PRKG1: variants seen among roughly 807,000 people sequenced by gnomAD.
The protein encoded by PRKG1 is protein kinase cGMP-dependent 1.
In PRKG1, 35 loss-of-function variants were observed where a neutral mutation model predicts 88.1. That is an observed-to-expected ratio of 0.40 (90% CI 0.30 to 0.53). The LOEUF is 0.53. Ranked by LOEUF, PRKG1 falls within the 20% of genes least tolerant of loss-of-function variation. The pLI, the probability that PRKG1 is intolerant of heterozygous loss-of-function variation, is 0.59. For missense variants in PRKG1, 540 were observed against 839.8 expected (o/e 0.64, Z 4.41); for synonymous variants, 303 against 292.5 (o/e 1.04, Z -0.37).
At chr10:52,224,836 T>TATATATATATATAC (rs1457134141) in intron 9 of PRKG1, among the ~76,000 whole-genome samples, 26 of 89,848 alleles carry the variant, frequency 2.9e-4, no homozygotes, top group Admixed American at 2.2e-3. Context: ...TATATATATA[T>TATATATATATATAC]ATACATACAT....
chr10:51,227,443 A>C (rs1838722765), intron 2 of PRKG1, among the ~76,000 whole-genome samples: 1 of 152,070 alleles, frequency 6.6e-6, no homozygotes, highest in African/African-American at 2.4e-5. Flanking sequence ...TCTCTTTTTG[A>C]ATGCTGGTAC....
At chr10:52,141,099 C>A (rs944153534) in intron 8 of PRKG1, among the ~76,000 whole-genome samples, 15 of 152,058 alleles carry the variant, frequency 9.9e-5, no homozygotes, top group Admixed American at 9.2e-4. Flanking sequence ...GTGTCAGCTG[C>A]AATTATTTGA....
intron 2 of PRKG1, among the ~76,000 whole-genome samples, chr10:51,218,531 A>ATATATATAT (rs1554847948): frequency 1.9e-5 from 1 of 53,256 alleles, no homozygotes; most frequent in Non-Finnish European, 3.1e-5. Flanking sequence ...ATATATATAT[A>ATATATATAT]AAATGTGTGT....
At chr10:51,224,251 T>C (rs910550693) in intron 2 of PRKG1, among the ~76,000 whole-genome samples, 6 of 152,302 alleles carry the variant, frequency 3.9e-5, no homozygotes, top group South Asian at 2.1e-4. Flanking sequence ...TCAGTTTAGG[T>C]ATCATCAGCA....
chr10:52,161,520 T>C (rs953478222), intron 8 of PRKG1, among the ~76,000 whole-genome samples: 3 of 152,104 alleles, frequency 2.0e-5, no homozygotes, highest in Non-Finnish European at 4.4e-5. Flanking sequence ...CACTCCATAA[T>C]TGGTAGATCT....
At chr10:51,539,169 T>C (rs1451388670) in intron 3 of PRKG1, among the ~76,000 whole-genome samples, 2 of 152,176 alleles carry the variant, frequency 1.3e-5, no homozygotes, top group Non-Finnish European at 2.9e-5. Flanking sequence ...TTGTTTATGT[T>C]CTTTAACATA....
At chr10:51,243,612 G>A (rs1839210643) in intron 2 of PRKG1, among the ~76,000 whole-genome samples, 1 of 152,146 alleles carries the variant, frequency 6.6e-6, no homozygotes, top group South Asian at 2.1e-4. Flanking sequence ...TGCTTCTGAA[G>A]ACCTTCATTA....
At position 51,756,484 on chromosome 10, in the gene PRKG1, C is replaced by CAAA. The variant is rs55967411; in HGVS notation, c.593-48087_593-48085dup. Among the ~76,000 whole-genome samples the CAAA allele has an allele frequency of 5.1e-3, 551 of 107,902 alleles. 4 individuals carry two copies. The highest frequency in any genetic ancestry group is 0.011 in the African/African-American group (307 of 27,236). 70.8% of individuals were successfully genotyped at this position (107,902 alleles called of 152,430 possible). On this transcript the variant is annotated intron_variant, in intron 3 of 17. Transcript: ENST00000373980. ...CATGGGCAACAGAGTGAGACTGTCT[C>CAAA]AAAAAAAAAAAAAAAAGTCAGTAGA...
intron 5 of PRKG1, among the ~76,000 whole-genome samples, chr10:51,921,406 C>G (rs4478938): frequency 0.16 from 24,660 of 151,878 alleles, 2,797 homozygotes; most frequent in East Asian, 0.5. Flanking sequence ...CTTTTATTTC[C>G]TCTTACTGTC....
intron 6 of PRKG1, 81 bp from the exon 7 acceptor site, chr10:52,062,456 G>A (rs1301758459): frequency 2.2e-5 from 17 of 777,318 alleles, no homozygotes; most frequent in Admixed American, 3.2e-5. Context: ...AACAAGAAAC[G>A]GAATTAACTT....
chr10:51,847,303 G>A (rs1183181668), intron 4 of PRKG1, among the ~76,000 whole-genome samples: 2 of 152,160 alleles, frequency 1.3e-5, no homozygotes, highest in East Asian at 3.9e-4. Flanking sequence ...CAAAACGAGT[G>A]ATGATTGAAA....
intron 3 of PRKG1, among the ~76,000 whole-genome samples, chr10:51,513,387 A>G (rs1026754281): frequency 8.4e-6 from 1 of 118,630 alleles, no homozygotes; most frequent in Non-Finnish European, 1.8e-5. Context: ...ACTCCCACAC[A>G]TTAATAATGG....
chr10:52,277,830 T>C (rs1442180259), intron 12 of PRKG1, among the ~76,000 whole-genome samples: 2 of 152,182 alleles, frequency 1.3e-5, no homozygotes, highest in Admixed American at 6.6e-5. Flanking sequence ...TTTACTCTCA[T>C]TACAACATTA....
intron 5 of PRKG1, among the ~76,000 whole-genome samples, chr10:51,963,560 A>G (rs1009027876): frequency 2.0e-5 from 3 of 151,986 alleles, no homozygotes; most frequent in African/African-American, 7.3e-5. Context: ...CCTGGGTTCA[A>G]GTGATTCTTC....
chr10:51,618,935 A>ATTTTTT, intron 3 of PRKG1, among the ~76,000 whole-genome samples: 1 of 123,534 alleles, frequency 8.1e-6, no homozygotes, highest in Non-Finnish European at 1.7e-5. Flanking sequence ...CACCCAGCTA[A>ATTTTTT]TTTTTTTTTT....
intron 5 of PRKG1, chr10:51,910,657 A>C (rs566006557): frequency 6.6e-6 from 1 of 152,286 alleles, no homozygotes; most frequent in Admixed American, 6.5e-5. Flanking sequence ...TTTTAGCCTC[A>C]TTCGTTTACC....
chr10:51,147,238 T>C (rs2131965187), intron 1 of PRKG1, among the ~76,000 whole-genome samples: 1 of 152,284 alleles, frequency 6.6e-6, no homozygotes, highest in East Asian at 1.9e-4. Flanking sequence ...AGGATGAATA[T>C]AGTTAACAAT....
intron 5 of PRKG1, among the ~76,000 whole-genome samples, chr10:52,051,470 C>T (rs1845985680): frequency 6.6e-6 from 1 of 152,102 alleles, no homozygotes; most frequent in Non-Finnish European, 1.5e-5. Flanking sequence ...CACGTATAGC[C>T]CTGTACTTAT....
chr10:51,656,598 G>A (rs1242221051), intron 3 of PRKG1, among the ~76,000 whole-genome samples: 1 of 151,968 alleles, frequency 6.6e-6, no homozygotes, highest in Non-Finnish European at 1.5e-5. Flanking sequence ...CCTCGCCTTG[G>A]CTATAATGGC....
Sources: gnomAD v4.1 joint callset for allele counts (sites outside exome capture counted in the v4.1 genomes callset) on GRCh38, gnomAD v4.1.1 for gene constraint, MANE v1.5 for transcripts, NCBI Gene and HGNC (gene_info 2026-07-23, HGNC 2026-07-21) for gene names.